The following PCDHGA5 variants were observed in gnomAD, a reference collection of about 807,000 sequenced individuals.
PCDHGA5 encodes protocadherin gamma subfamily A, 5.
In PCDHGA5, 36 loss-of-function variants were observed where a neutral mutation model predicts 56.7. That is an observed-to-expected ratio of 0.64 (90% CI 0.49 to 0.84). The LOEUF (loss-of-function observed/expected upper bound fraction) is 0.84. Ranked by LOEUF, PCDHGA5 falls within the 40% of genes least tolerant of loss-of-function variation. The pLI, the probability that PCDHGA5 is intolerant of heterozygous loss-of-function variation, is 0.00. For synonymous variants in PCDHGA5, 563 were observed against 520.2 expected, an observed-to-expected ratio of 1.08 and a Z score of -1.12; for missense variants, 1,305 against 1,201.5, an observed-to-expected ratio of 1.09 and a Z score of -1.27.
Position 141,491,215 on chromosome 5 carries a change from A to G in PCDHGA5, c.2422-3592A>G, listed in dbSNP as rs546893944. 2.5e-6 allele frequency: 4 copies of G among 1,614,196 alleles called. No individual in the cohort carries two copies. Among genetic ancestry groups the G allele is most frequent in the Non-Finnish European group, 3.4e-6 (4 of 1,180,036 alleles). On this transcript the variant is annotated intron_variant, in intron 1 of 3. Coordinates refer to ENST00000518069, the MANE Select transcript of PCDHGA5 (RefSeq NM_018918.3). This position sits in a 1 kb window ranked among gnomAD's most constrained non-coding sequence, Gnocchi z 6.9. ...CAATGGTGACCCTTCACTCTCCTCC[A>G]CAGCCACAGTGCTGCTGGTTCTGGA...
rs181806844 is a variant in PCDHGA5 at position 141,445,046 on chromosome 5, G to T, written c.2422-49761G>T. Among the ~76,000 whole-genome samples the T allele has an allele frequency of 1.2e-4, 19 of 152,248 alleles. No individual in the cohort carries two copies. The East Asian group carries it at 3.7e-3, about 29-fold the overall frequency. ...TCAGCTATGTTGTATAGTTTTCAGT[G>T]TAGAGAGGTCATGTATATTTCTCAT... On this transcript the variant is annotated intron_variant, in intron 1 of 3. Transcript: ENST00000518069.
At chr5:141,505,852 G>A (rs2099848673) in intron 3 of PCDHGA5, among the ~76,000 whole-genome samples, 1 of 152,140 alleles carries the variant, frequency 6.6e-6, no homozygotes, top group African/African-American at 2.4e-5. Context: ...TAGAAAGTGG[G>A]GACAGGGACC....
intron 1 of PCDHGA5, chr5:141,375,657 T>C (rs1588774279): frequency 6.2e-7 from 1 of 1,614,192 alleles, no homozygotes; most frequent in Non-Finnish European, 8.5e-7. Flanking sequence ...TATGAGCAGT[T>C]GAGAGACCTA....
rs73280920 is a variant in PCDHGA5 at position 141,453,809 on chromosome 5, A to G, written c.2422-40998A>G. Among the ~76,000 whole-genome samples, 1,254 of 152,338 alleles carry G rather than the reference A, an allele frequency of 8.2e-3. 17 individuals carry two copies. Among genetic ancestry groups the G allele is most frequent in the African/African-American group, 0.029 (1,191 of 41,572 alleles). On this transcript the variant is annotated intron_variant, in intron 1 of 3. Coordinates refer to ENST00000518069, the MANE Select transcript of PCDHGA5 (RefSeq NM_018918.3). ...GTATATTAACTTTGAGTAGTTCCATAAAGGACAAACTTGGCTGCTAGCCCT... is the reference window on the plus strand; with the variant it reads ...GTATATTAACTTTGAGTAGTTCCATGAAGGACAAACTTGGCTGCTAGCCCT...
chr5:141,389,301 A>G (rs2091692161), intron 1 of PCDHGA5: 3 of 1,614,010 alleles, frequency 1.9e-6, no homozygotes, highest in Non-Finnish European at 2.5e-6. Flanking sequence ...TTCACAAGTC[A>G]GGGCTTCTGA....
chr5:141,482,609 A>G (rs2099569274), intron 1 of PCDHGA5, among the ~76,000 whole-genome samples: 1 of 151,770 alleles, frequency 6.6e-6, no homozygotes, highest in African/African-American at 2.4e-5. Context: ...AAACACCTAA[A>G]TGAGCCTGGA....
chr5:141,372,350 GCCTCTTTCAGCCA>G (rs1768695448), intron 1 of PCDHGA5: 2 of 1,613,880 alleles, frequency 1.2e-6, no homozygotes, highest in Admixed American at 3.3e-5. Flanking sequence ...GAGGACAGCA[GCCTCTTTCAGCCA>G]CCGTCATGCT....
chr5:141,384,405 C>T (rs1780049839), intron 1 of PCDHGA5: 2 of 1,613,882 alleles, frequency 1.2e-6, no homozygotes, highest in Non-Finnish European at 8.5e-7. Flanking sequence ...CTCCAGTGTC[C>T]TCCTATGTCT....
intron 1 of PCDHGA5, chr5:141,393,180 A>G: frequency 6.2e-7 from 1 of 1,613,356 alleles, no homozygotes; most frequent in South Asian, 1.1e-5. Context: ...AGAAATAGAA[A>G]TAATTGATAT....
In PCDHGA5 at chr5:141,490,462, ACCAG is replaced by A; in HGVS notation, c.2422-4338_2422-4335del. On this transcript the variant is annotated intron_variant, in intron 1 of 3. Coordinates refer to ENST00000518069, the MANE Select transcript of PCDHGA5 (RefSeq NM_018918.3). The surrounding 1 kb of genome is among the most constrained non-coding windows in gnomAD (Gnocchi z 5.4). ...TTCTGAGAACCACTACTCGCTGCTA[ACCAG>A]CCAGCCTTTGGACCGGGAGGCCACA... 1 of 1,614,198 alleles carries A rather than the reference ACCAG, an allele frequency of 6.2e-7. No homozygotes were observed.
At chr5:141,426,432 C>T (rs1239073805) in intron 1 of PCDHGA5, 2 of 295,812 alleles carry the variant, frequency 6.8e-6, no homozygotes, top group African/African-American at 2.2e-5. Flanking sequence ...TGGTGGGGAA[C>T]CTTGCGGAGG....
At chr5:141,370,694 G>A (rs1213038173) in intron 1 of PCDHGA5, 20 of 1,613,794 alleles carry the variant, frequency 1.2e-5, no homozygotes, top group Non-Finnish European at 1.6e-5. Flanking sequence ...GCAAGAAGTC[G>A]ACGTGTGTTC....
At chr5:141,419,717 G>A (rs1159633605) in intron 1 of PCDHGA5, 3 of 1,613,236 alleles carry the variant, frequency 1.9e-6, no homozygotes, top group Non-Finnish European at 2.5e-6. Flanking sequence ...CTTCAGCCTG[G>A]GGCTGCGAAC....
At chr5:141,390,882 G>A (rs892294372) in intron 1 of PCDHGA5, 2 of 152,824 alleles carry the variant, frequency 1.3e-5, no homozygotes, top group Non-Finnish European at 2.9e-5. Flanking sequence ...GTGTGTGTGT[G>A]TGTGTGAGAG....
chr5:141,395,370 G>C, intron 1 of PCDHGA5: 1 of 1,207,198 alleles, frequency 8.3e-7, no homozygotes, highest in Non-Finnish European at 1.1e-6. Context: ...GTTTATTTTG[G>C]TGGTGTTACT....
intron 2 of PCDHGA5, among the ~76,000 whole-genome samples, chr5:141,500,421 G>A (rs1247202322): frequency 6.6e-6 from 1 of 151,852 alleles, no homozygotes; most frequent in Non-Finnish European, 1.5e-5. Flanking sequence ...GTGTTAGCCA[G>A]GATGGTCTCG....
At chr5:141,389,620 C>T (rs1447057180) in intron 1 of PCDHGA5, 1 of 1,613,032 alleles carries the variant, frequency 6.2e-7, no homozygotes, top group African/African-American at 1.3e-5. Context: ...GTGCCGCACG[C>T]TGCAGAGCCT....
intron 1 of PCDHGA5, chr5:141,371,847 G>C: frequency 6.2e-7 from 1 of 1,613,670 alleles, no homozygotes; most frequent in Non-Finnish European, 8.5e-7. Flanking sequence ...GGGACCTAAT[G>C]GCCTTGTCTC....
chr5:141,428,233 C>A, intron 1 of PCDHGA5: 1 of 1,049,106 alleles, frequency 9.5e-7, no homozygotes, highest in Non-Finnish European at 1.4e-6. Context: ...AGACAGCCTG[C>A]AGGAGGCACT....
Sources: allele counts gnomAD v4.1 joint callset (sites outside exome capture counted in the v4.1 genomes callset), GRCh38; gene constraint gnomAD v4.1.1; non-coding constraint Gnocchi (gnomAD v3.1); transcripts MANE v1.5; gene names NCBI Gene and HGNC (gene_info 2026-07-23, HGNC 2026-07-21).